Variants in TRPM6 observed in about 807,000 individuals in gnomAD.
TRPM6 encodes the protein transient receptor potential cation channel subfamily M member 6.
Under a neutral mutation model 247.6 loss-of-function variants are expected in TRPM6, and 111 were observed. That is an observed-to-expected ratio of 0.45 (90% confidence interval 0.38 to 0.52). TRPM6 has a LOEUF of 0.52. TRPM6 is among the 20% of genes least tolerant of loss of function. TRPM6 has a pLI of 0.00. For synonymous variants in TRPM6, 892 were observed against 853.8 expected (o/e 1.04, Z -0.78); for missense variants, 2,126 against 2,421.5 (o/e 0.88, Z 2.56).
intron 1 of TRPM6, 104 bp downstream of exon 1, chr9:74,887,720 T>G (rs561333944): frequency 2.5e-6 from 4 of 1,612,942 alleles, no homozygotes; most frequent in Non-Finnish European, 2.5e-6. Context: ...CCTCGTTAGA[T>G]GTAGTGTCCC....
chr9:74,840,153 C>T lies in TRPM6; in HGVS notation c.415G>A (p.Val139Met), dbSNP rs1311099506. The change falls in exon 5 of 39, where the codon GTG (valine) becomes ATG (methionine). Residue 139 changes from valine to methionine, a missense_variant. This residue lies in a region of TRPM6 where 1,082 missense variants were observed against 1,307.9 expected (regional missense o/e 0.83). Transcript: ENST00000360774. ...TGGATGCCCCCATGGACTGAGATCA[C>T]AAGCTTGGGCAGTTCCATTTTCCAC... ...KEWKMELPKL[V>M]ISVHGGIQNF... The T allele has an allele frequency of 6.2e-7, 1 of 1,613,966 alleles. No individual in the cohort carries two copies. The highest frequency in any genetic ancestry group is 8.5e-7 in the Non-Finnish European group (1 of 1,179,976).
At chr9:74,884,831 G>T (rs1171892634) in intron 1 of TRPM6, among the ~76,000 whole-genome samples, 2 of 152,144 alleles carry the variant, frequency 1.3e-5, no homozygotes, top group Non-Finnish European at 1.5e-5. Context: ...TGGAGAATGT[G>T]CTCCATCAAA....
At chr9:74,761,905 T>C (rs1826650702) in intron 26 of TRPM6, 94 bp downstream of exon 26, 6 of 1,502,324 alleles carry the variant, frequency 4.0e-6, no homozygotes, top group Non-Finnish European at 4.6e-6. Context: ...AATGACAATG[T>C]GGTTAAGAGT....
chr9:74,781,536 C>CAAAAAAAAAAAAAAAAAAAAAAAA (rs35938872), intron 23 of TRPM6, among the ~76,000 whole-genome samples: 1 of 93,556 alleles, frequency 1.1e-5, no homozygotes, highest in Non-Finnish European at 2.0e-5. Context: ...GACTCTATCT[C>CAAAAAAAAAAAAAAAAAAAAAAAA]AAAAAAAAAA....
chr9:74,841,721 T>C (rs1348609288), intron 4 of TRPM6, among the ~76,000 whole-genome samples: 1 of 152,140 alleles, frequency 6.6e-6, no homozygotes, highest in African/African-American at 2.4e-5. Flanking sequence ...GCCAGGCTGG[T>C]CTCAAACTCC....
intron 28 of TRPM6, among the ~76,000 whole-genome samples, chr9:74,753,257 T>C (rs1826319503): frequency 6.6e-6 from 1 of 152,104 alleles, no homozygotes; most frequent in Admixed American, 6.5e-5. Flanking sequence ...AGATGCATAA[T>C]AAATATTTAG....
rs117457404 is a variant in TRPM6, at chr9:74,849,756, G to A, written c.152+5771C>T. ...CATAAACAGGAAGCATCTAGGAAGC[G>A]ATGTGTCCTGGAGCAAAAGCACTGG... On this transcript the variant is annotated intron_variant, in intron 3 of 38. Coordinates refer to ENST00000360774, the MANE Select transcript of TRPM6 (RefSeq NM_017662.5). 1.3e-3 allele frequency among the ~76,000 whole-genome samples: 197 copies of A among 152,302 alleles called. 3 individuals are homozygous for A. The East Asian group carries it at 0.029, about 22-fold the overall frequency.
At chr9:74,827,336 G>A (rs1564032766) in intron 7 of TRPM6, among the ~76,000 whole-genome samples, 1 of 151,542 alleles carries the variant, frequency 6.6e-6, no homozygotes, top group South Asian at 2.1e-4. Flanking sequence ...AAGTCTGCAC[G>A]GTCTTATATC....
chr9:74,788,887 G>A, intron 19 of TRPM6, 145 bp from the exon 20 acceptor site: 1 of 909,742 alleles, frequency 1.1e-6, no homozygotes, highest in Non-Finnish European at 1.7e-6. Context: ...GGTTATTGAT[G>A]ACCTACTATC....
intron 31 of TRPM6, among the ~76,000 whole-genome samples, chr9:74,747,268 A>C (rs1466856992): frequency 6.6e-6 from 1 of 152,242 alleles, no homozygotes; most frequent in African/African-American, 2.4e-5. Flanking sequence ...GTATAGAAAC[A>C]ACCTAAATTT....
chr9:74,835,615 T>C (rs1829697862), intron 5 of TRPM6, among the ~76,000 whole-genome samples: 1 of 152,114 alleles, frequency 6.6e-6, no homozygotes, highest in African/African-American at 2.4e-5. Flanking sequence ...GCTACCTTTG[T>C]ATGTATTTAC....
intron 9 of TRPM6, among the ~76,000 whole-genome samples, chr9:74,818,293 CTTTTTTT>C (rs1161401022): frequency 3.4e-3 from 246 of 72,026 alleles, no homozygotes; most frequent in African/African-American, 0.015. Flanking sequence ...TCTATCATTT[CTTTTTTT>C]TTTTTTTTTT....
rs886916985 is a variant in TRPM6, at chr9:74,878,871, T to A, written c.33+8953A>T. On this transcript the variant is annotated intron_variant, in intron 1 of 38. Coordinates refer to ENST00000360774, the MANE Select transcript of TRPM6 (RefSeq NM_017662.5). ...TGGTGGCTCATTCCTGTAATCTTAG[T>A]TACTTGAGAAGCTGATGCAGGAGGA... 5.3e-5 allele frequency among the ~76,000 whole-genome samples: 8 copies of A among 152,240 alleles called. No individual in the cohort carries two copies. The South Asian group carries it at 1.5e-3, about 28-fold the overall frequency.
chr9:74,853,583 T>G (rs1053691014), intron 3 of TRPM6, among the ~76,000 whole-genome samples: 52 of 152,320 alleles, frequency 3.4e-4, no homozygotes, highest in Non-Finnish European at 6.3e-4. Flanking sequence ...CTCTGAAACA[T>G]GTGCTGTGTC....
rs752296414 is a variant in TRPM6 at position 74,887,807 on chromosome 9, G to C, written c.33+17C>G. 5.0e-6 allele frequency: 8 copies of C among 1,613,974 alleles called. No individual in the cohort carries two copies. Among genetic ancestry groups the C allele is most frequent in the South Asian group, 1.1e-5 (1 of 91,078 alleles). On this transcript the variant is annotated intron_variant, in intron 1 of 38. Coordinates refer to ENST00000360774, the MANE Select transcript of TRPM6 (RefSeq NM_017662.5). ...CTAAGGTCCTTGTTCCCCGCCAGTC[G>C]AGCAGCCTGAGCTTACCTGCAAGCG... is the stretch of plus-strand genomic sequence containing the variant.
At chr9:74,836,948 T>A (rs916123678) in intron 5 of TRPM6, among the ~76,000 whole-genome samples, 1 of 152,232 alleles carries the variant, frequency 6.6e-6, no homozygotes, top group Non-Finnish European at 1.5e-5. Flanking sequence ...CTAGAATTCA[T>A]GTCCGTCTTC....
intron 37 of TRPM6, 93 bp downstream of exon 37, chr9:74,732,592 G>T: frequency 1.0e-6 from 1 of 965,640 alleles, no homozygotes; most frequent in Non-Finnish European, 1.6e-6. Context: ...CTAGGATCTA[G>T]GCAGGGAACA....
At chr9:74,875,791 C>A (rs531137444) in intron 1 of TRPM6, among the ~76,000 whole-genome samples, 1 of 152,106 alleles carries the variant, frequency 6.6e-6, no homozygotes, top group Non-Finnish European at 1.5e-5. Flanking sequence ...GGCTAAAATA[C>A]GTTTTCTTTT....
chr9:74,846,844 C>T lies in TRPM6; in HGVS notation c.153-4501G>A, dbSNP rs115386489. Reference sequence around the variant, plus strand: ...GATTACAGTCGTGAGCCACTGCTCCCGGCTATTTTACAATATTTTTCTAAA... The same window carrying T: ...GATTACAGTCGTGAGCCACTGCTCCTGGCTATTTTACAATATTTTTCTAAA... On this transcript the variant is annotated intron_variant, in intron 3 of 38. Coordinates refer to ENST00000360774, the MANE Select transcript of TRPM6 (RefSeq NM_017662.5). Among the ~76,000 whole-genome samples the T allele has an allele frequency of 9.6e-3, 1,467 of 152,134 alleles. 20 individuals are homozygous for T. Among genetic ancestry groups the T allele is most frequent in the African/African-American group, 0.033 (1,363 of 41,500 alleles).
Sources: allele counts gnomAD v4.1 joint callset (sites outside exome capture counted in the v4.1 genomes callset), GRCh38; gene constraint gnomAD v4.1.1; regional missense constraint gnomAD v4.1.1; transcripts MANE v1.5; gene names NCBI Gene and HGNC (gene_info 2026-07-23, HGNC 2026-07-21).